KIF20B: variants seen among roughly 807,000 people sequenced by gnomAD.
KIF20B encodes the protein kinesin-like protein KIF20B.
Under a neutral mutation model 232.5 loss-of-function variants are expected in KIF20B, and 188 were observed. That is an observed-to-expected ratio of 0.81 (90% CI 0.72 to 0.91). The LOEUF is 0.91. KIF20B is among the 40% of genes least tolerant of loss of function. The probability of loss-of-function intolerance (pLI) is 0.00; values close to 1 mark genes in which losing one functional copy is unlikely to be tolerated. For missense variants in KIF20B, 2,154 were observed against 2,055.9 expected, an observed-to-expected ratio of 1.05 and a Z score of -0.92; for synonymous variants, 712 against 683.0, an observed-to-expected ratio of 1.04 and a Z score of -0.66.
rs1384741968 is a variant in KIF20B at position 89,737,859 on chromosome 10, G to T, written c.3018G>T (p.Leu1006Phe). 6.2e-7 allele frequency: 1 copy of T among 1,613,412 alleles called. No homozygotes were observed. The highest frequency in any genetic ancestry group is 2.2e-5 in the East Asian group (1 of 44,806). Residue 1006 changes from leucine (L) to phenylalanine (F), a missense_variant, in exon 20 of 33, where the codon TTG becomes TTT. Coordinates refer to ENST00000371728, the MANE Select transcript of KIF20B (RefSeq NM_001284259.2). The part of the protein sequence containing the change: ...DSVSQISNID[L>F]LNLRDLSNGS... ...TTTCTCAGATTTCAAACATAGATTT[G>T]CTCAATCTCAGGGATCTGTCAAATG...
chr10:89,738,427 A>C lies in KIF20B; in HGVS notation c.3586A>C (p.Lys1196Gln). The stretch of plus-strand genomic sequence containing the variant: ...TTTGGAAAAGGAATCTATCATCTTA[A>C]AGCTAGAAAGAAATTTGAAGGAATT... ...DILEKESIIL[K>Q]LERNLKEFQE... Residue 1196 changes from lysine (K) to glutamine (Q), a missense_variant, in exon 20 of 33, where the codon AAG becomes CAG. Coordinates refer to ENST00000371728, the MANE Select transcript of KIF20B (RefSeq NM_001284259.2). The C allele has an allele frequency of 2.5e-6, 4 of 1,603,112 alleles. No homozygotes were observed. Among genetic ancestry groups the C allele is most frequent in the Non-Finnish European group, 3.4e-6 (4 of 1,177,254 alleles).
At chr10:89,755,490 C>T (rs975366004) in intron 26 of KIF20B, among the ~76,000 whole-genome samples, 2 of 128,990 alleles carry the variant, frequency 1.6e-5, no homozygotes, top group African/African-American at 5.7e-5. Context: ...TTCCTTTTTC[C>T]TTTCCTTCTT....
At chr10:89,727,257 C>G (rs1314785844) in intron 16 of KIF20B, among the ~76,000 whole-genome samples, 7 of 150,948 alleles carry the variant, frequency 4.6e-5, no homozygotes, top group East Asian at 2.0e-4. Flanking sequence ...GTCTTCCCCC[C>G]CCCTTTTTTT....
chr10:89,747,329 G>A (rs1841934465), intron 23 of KIF20B, among the ~76,000 whole-genome samples: 1 of 151,910 alleles, frequency 6.6e-6, no homozygotes, highest in African/African-American at 2.4e-5. Context: ...TCAGTGTGGC[G>A]ATTCCTCAGG....
chr10:89,726,858 G>A (rs1405486037), intron 16 of KIF20B, among the ~76,000 whole-genome samples: 8 of 133,566 alleles, frequency 6.0e-5, no homozygotes, highest in African/African-American at 2.6e-4. Flanking sequence ...CAAGGCTGGA[G>A]TCAGTAGTGG....
intron 29 of KIF20B, among the ~76,000 whole-genome samples, chr10:89,764,072 G>A (rs1229460442): frequency 4.6e-5 from 5 of 108,884 alleles, no homozygotes; most frequent in African/African-American, 1.8e-4. Flanking sequence ...ACAGTCCCCA[G>A]AGTGTGATGT....
chr10:89,736,666 AT>A (rs1440151230), intron 19 of KIF20B, among the ~76,000 whole-genome samples: 1 of 152,160 alleles, frequency 6.6e-6, no homozygotes, highest in Non-Finnish European at 1.5e-5. Flanking sequence ...ACTTTTATGC[AT>A]TTTCAATTAG....
At chr10:89,768,998 T>C (rs915164915) in intron 31 of KIF20B, 110 bp downstream of exon 31, 3 of 878,546 alleles carry the variant, frequency 3.4e-6, no homozygotes, top group Non-Finnish European at 5.2e-6. Flanking sequence ...ATACTTCAAA[T>C]AGGCATTGTC....
intron 6 of KIF20B, among the ~76,000 whole-genome samples, chr10:89,712,799 T>C (rs1842860789): frequency 6.6e-6 from 1 of 152,226 alleles, no homozygotes; most frequent in South Asian, 2.1e-4. Flanking sequence ...TAGTATATTT[T>C]CAGACATTAT....
rs774506122 is a variant in KIF20B at position 89,745,951 on chromosome 10, C to G, written c.4088C>G (p.Ala1363Gly). 19 of 1,609,802 alleles carry G rather than the reference C, an allele frequency of 1.2e-5. No homozygotes were observed. The South Asian group carries it at 2.0e-4, about 17-fold the overall frequency. The change falls in exon 23 of 33, where the codon GCA becomes GGA. Residue 1363 changes from alanine (A) to glycine (G), a missense_variant. Coordinates refer to ENST00000371728, the MANE Select transcript of KIF20B (RefSeq NM_001284259.2). The stretch of plus-strand genomic sequence containing the variant: ...GAAGCTATACAACAGTATGAGAGAG[C>G]ATGCAAAGGTCAGGAACAAGTTTGT... ...VEEAIQQYERACKDLNVKEKI... is the reference protein window; with the variant it reads ...VEEAIQQYERGCKDLNVKEKI...
intron 31 of KIF20B, among the ~76,000 whole-genome samples, chr10:89,769,166 G>A (rs948064054): frequency 1.6e-4 from 25 of 151,866 alleles, no homozygotes; most frequent in Admixed American, 1.6e-3. Context: ...AGTATTGGAG[G>A]GAAAAGAGCT....
chr10:89,710,863 C>G, intron 5 of KIF20B, 98 bp from the exon 6 acceptor site: 3 of 839,608 alleles, frequency 3.6e-6, no homozygotes, highest in South Asian at 4.1e-5. Flanking sequence ...GTTGTTGACT[C>G]TTGCCTATTG....
At chr10:89,764,756 T>A (rs911261835) in intron 29 of KIF20B, among the ~76,000 whole-genome samples, 2 of 151,404 alleles carry the variant, frequency 1.3e-5, no homozygotes, top group African/African-American at 4.8e-5. Context: ...TGTTTTTTTC[T>A]TGTAAATTTG....
intron 11 of KIF20B, among the ~76,000 whole-genome samples, chr10:89,718,453 G>T (rs1394021138): frequency 6.6e-6 from 1 of 152,188 alleles, no homozygotes; most frequent in Non-Finnish European, 1.5e-5. Context: ...TGAGGCTACA[G>T]TGAGCTCTGA....
chr10:89,767,729 A>G (rs1385667188), intron 29 of KIF20B, among the ~76,000 whole-genome samples: 1 of 151,930 alleles, frequency 6.6e-6, no homozygotes. Flanking sequence ...AAAAGTTTTA[A>G]CATTTTACCT....
chr10:89,730,300 G>C (rs778382854), intron 18 of KIF20B, among the ~76,000 whole-genome samples: 2 of 152,072 alleles, frequency 1.3e-5, no homozygotes, highest in African/African-American at 2.4e-5. Flanking sequence ...TAATAAGGTG[G>C]AGGAGCAAGA....
chr10:89,717,528 G>C (rs1295500190), intron 10 of KIF20B, 33 bp downstream of exon 10: 2 of 1,583,270 alleles, frequency 1.3e-6, no homozygotes, highest in Non-Finnish European at 1.7e-6. Flanking sequence ...TTAATTATTT[G>C]TAATTGTTTT....
intron 11 of KIF20B, among the ~76,000 whole-genome samples, chr10:89,718,232 TAAAAC>T (rs112771291): frequency 0.18 from 26,957 of 152,000 alleles, 2,676 homozygotes; most frequent in Non-Finnish European, 0.23. Context: ...TAGCAGCAGT[TAAAAC>T]AAACAGCCAG....
chr10:89,742,073 C>A (rs1260889912), intron 21 of KIF20B, among the ~76,000 whole-genome samples: 1 of 152,046 alleles, frequency 6.6e-6, no homozygotes, highest in African/African-American at 2.4e-5. Flanking sequence ...AAATTGTAAT[C>A]TGAGGTTGCT....
Sources: gnomAD v4.1 joint callset for allele counts (sites outside exome capture counted in the v4.1 genomes callset) on GRCh38, gnomAD v4.1.1 for gene constraint, MANE v1.5 for transcripts, NCBI Gene and HGNC (gene_info 2026-07-23, HGNC 2026-07-21) for gene names.